The following CSMD1 variants were observed in gnomAD, a reference collection of about 807,000 sequenced individuals.
The protein encoded by CSMD1 is CUB and sushi domain-containing protein 1.
In CSMD1, 213 loss-of-function variants were observed where a neutral mutation model predicts 417.5. That is an observed-to-expected ratio of 0.51 (90% CI 0.46 to 0.57). CSMD1 has a LOEUF of 0.57. CSMD1 is among the 20% of genes least tolerant of loss of function. The pLI is 0.00. For missense variants in CSMD1, 6,923 were observed against 4,529.7 expected, an observed-to-expected ratio of 1.53 and a Z score of -15.17; for synonymous variants, 2,862 against 1,736.8, an observed-to-expected ratio of 1.65 and a Z score of -16.11.
At chr8:3,611,646 T>A (rs976438680) in intron 8 of CSMD1, among the ~76,000 whole-genome samples, 1 of 152,196 alleles carries the variant, frequency 6.6e-6, no homozygotes, top group Non-Finnish European at 1.5e-5. Flanking sequence ...AAAGCTGGTA[T>A]CTATCATCAT....
intron 7 of CSMD1, among the ~76,000 whole-genome samples, chr8:3,695,298 G>A (rs949618191): frequency 6.6e-6 from 1 of 152,082 alleles, no homozygotes; most frequent in East Asian, 1.9e-4. Context: ...TGCAGAATTT[G>A]CAAGCTAATG....
At chr8:4,039,170 A>T (rs541744659) in intron 3 of CSMD1, among the ~76,000 whole-genome samples, 60 of 152,332 alleles carry the variant, frequency 3.9e-4, no homozygotes, top group Middle Eastern at 3.4e-3. Flanking sequence ...GTGGAATTTC[A>T]TGAGGTGGAT....
chr8:4,850,158 T>C (rs753307402), intron 1 of CSMD1, among the ~76,000 whole-genome samples: 3 of 152,178 alleles, frequency 2.0e-5, no homozygotes, highest in African/African-American at 7.2e-5. Context: ...TATGTGAATA[T>C]TGGTATTTGT....
chr8:4,968,837 T>C (rs796323141), intron 1 of CSMD1, among the ~76,000 whole-genome samples: 1 of 152,078 alleles, frequency 6.6e-6, no homozygotes, highest in South Asian at 2.1e-4. Flanking sequence ...AACCAGAAGA[T>C]TAGGATCTAC....
intron 25 of CSMD1, among the ~76,000 whole-genome samples, chr8:3,296,041 A>C (rs954427730): frequency 6.6e-6 from 1 of 152,086 alleles, no homozygotes; most frequent in South Asian, 2.1e-4. Flanking sequence ...CAGGCAGTCC[A>C]CAGCACCCAT....
At chr8:4,093,900 C>T (rs907569882) in intron 3 of CSMD1, among the ~76,000 whole-genome samples, 1 of 151,918 alleles carries the variant, frequency 6.6e-6, no homozygotes, top group African/African-American at 2.4e-5. Context: ...GCAGAGGTTT[C>T]AGTGAGCCCA....
chr8:3,982,243 G>C (rs991778133), intron 5 of CSMD1, among the ~76,000 whole-genome samples: 1 of 150,328 alleles, frequency 6.7e-6, no homozygotes, highest in Admixed American at 6.6e-5. Context: ...TACAATCTGA[G>C]CTAAAACTTA....
intron 2 of CSMD1, among the ~76,000 whole-genome samples, chr8:4,444,273 G>A (rs1798651728): frequency 6.7e-6 from 1 of 149,352 alleles, no homozygotes; most frequent in Non-Finnish European, 1.5e-5. Flanking sequence ...ACCTGGGCTG[G>A]GAGGTGGACG....
chr8:4,385,792 A>T (rs1005196653), intron 3 of CSMD1, among the ~76,000 whole-genome samples: 1 of 152,274 alleles, frequency 6.6e-6, no homozygotes, highest in Admixed American at 6.5e-5. Flanking sequence ...GTATTTGTAG[A>T]GTGTTAATGT....
intron 5 of CSMD1, among the ~76,000 whole-genome samples, chr8:3,776,158 A>G (rs959843612): frequency 6.6e-6 from 1 of 152,046 alleles, no homozygotes; most frequent in African/African-American, 2.4e-5. Context: ...TGCACATCAT[A>G]CGGATCCTAC....
At chr8:4,086,817 G>A (rs1316876369) in intron 3 of CSMD1, among the ~76,000 whole-genome samples, 2 of 152,178 alleles carry the variant, frequency 1.3e-5, no homozygotes, top group African/African-American at 2.4e-5. Flanking sequence ...AGTCTGAGAT[G>A]AAAACTTTGC....
chr8:3,979,732 C>A (rs1813712113), intron 5 of CSMD1, among the ~76,000 whole-genome samples: 1 of 152,204 alleles, frequency 6.6e-6, no homozygotes, highest in Non-Finnish European at 1.5e-5. Context: ...AACCTTGATC[C>A]TAAACTTCTA....
At chr8:4,430,986 C>T (rs183034355) in intron 2 of CSMD1, among the ~76,000 whole-genome samples, 2 of 152,230 alleles carry the variant, frequency 1.3e-5, no homozygotes, top group Non-Finnish European at 2.9e-5. Context: ...TTTCTCCCCT[C>T]AGTTATGCCA....
rs1257237786 is a variant in CSMD1, at chr8:4,570,146, A to G, written c.302+67196T>C. 2.0e-5 allele frequency among the ~76,000 whole-genome samples: 3 copies of G among 152,106 alleles called. No homozygotes were observed. The East Asian group carries it at 5.8e-4, about 29-fold the overall frequency. On this transcript the variant is annotated intron_variant, in intron 2 of 69. Coordinates refer to ENST00000635120, the MANE Select transcript of CSMD1 (RefSeq NM_033225.6). ...ACTCTTTCTTTCTTTCTCTTGCCTG[A>G]TTGCCCTGGCCAGAATTTCCAACAC... is the stretch of plus-strand genomic sequence containing the variant.
At chr8:4,022,560 G>C (rs764563375) in intron 4 of CSMD1, among the ~76,000 whole-genome samples, 2 of 152,174 alleles carry the variant, frequency 1.3e-5, no homozygotes, top group Non-Finnish European at 2.9e-5. Flanking sequence ...ATGAAACAGG[G>C]TGTGCATTGA....
chr8:4,127,469 A>G (rs1199310062), intron 3 of CSMD1, among the ~76,000 whole-genome samples: 1 of 150,106 alleles, frequency 6.7e-6, no homozygotes, highest in Non-Finnish European at 1.5e-5. Context: ...AAAAAAAAAA[A>G]AAAAAAAAAA....
intron 12 of CSMD1, among the ~76,000 whole-genome samples, chr8:3,411,156 T>G (rs936229922): frequency 3.9e-5 from 6 of 152,134 alleles, no homozygotes; most frequent in Non-Finnish European, 7.4e-5. Flanking sequence ...ACTACAGACT[T>G]AAAAGATCTC....
chr8:3,348,563 T>C (rs113419871), intron 21 of CSMD1, among the ~76,000 whole-genome samples: 2,426 of 152,258 alleles, frequency 0.016, 57 homozygotes, highest in African/African-American at 0.053. Flanking sequence ...CATTCTACCA[T>C]TGTTTGTCTG....
chr8:4,367,508 G>T (rs1264863511), intron 3 of CSMD1, among the ~76,000 whole-genome samples: 1 of 152,170 alleles, frequency 6.6e-6, no homozygotes, highest in East Asian at 1.9e-4. Context: ...CTCCAGCTTT[G>T]TTCCTTTTGC....
Sources: allele counts gnomAD v4.1 joint callset (sites outside exome capture counted in the v4.1 genomes callset), GRCh38; gene constraint gnomAD v4.1.1; transcripts MANE v1.5; gene names NCBI Gene and HGNC (gene_info 2026-07-23, HGNC 2026-07-21).